AIM2: variants seen among roughly 807,000 people sequenced by gnomAD.
AIM2 encodes the protein interferon-inducible protein AIM2.
A neutral mutation model predicts 27.7 loss-of-function variants in AIM2; 30 were observed. That is an observed-to-expected ratio of 1.08 (90% CI 0.81 to 1.47). The LOEUF is 1.47. Ranked by LOEUF, AIM2 falls within the 40% of genes most tolerant of loss-of-function variation. The probability of loss-of-function intolerance (pLI) is 0.00; values close to 1 mark genes in which losing one functional copy is unlikely to be tolerated. For synonymous variants in AIM2, 141 were observed against 145.3 expected, an observed-to-expected ratio of 0.97 and a Z score of 0.21; for missense variants, 358 against 411.3, an observed-to-expected ratio of 0.87 and a Z score of 1.12.
At chr1:159,141,627 C>T (rs1055140825), upstream of AIM2, among the ~76,000 whole-genome samples, 1 of 152,114 alleles carries the variant, frequency 6.6e-6, no homozygotes, top group African/African-American at 2.4e-5. Flanking sequence ...TGCCGGGACT[C>T]GAACCCGGAA....
At chr1:159,087,325 A>AT (rs1656937967) in intron 1 of AIM2, among the ~76,000 whole-genome samples, 1 of 79,694 alleles carries the variant, frequency 1.3e-5, no homozygotes, top group African/African-American at 2.6e-5. Flanking sequence ...TGAGGTTGTG[A>AT]TAAAAAAAAA....
In AIM2 at chr1:159,062,694, A is replaced by C. The variant is rs74689714; in HGVS notation, c.1030T>G (p.Ter344GluextTer16). The change falls in exon 6 of 6, where the codon TAG becomes GAG. Residue 344 changes from the stop codon to glutamate, a stop_lost. Transcript: ENST00000368130. ...IKVIKAKKKT[*>E] Reference sequence around the variant, plus strand: ...TTGAATTGGTCCTTTTTACTTCTCTATGTTTTTTTTTTGGCCTTAATAACC... The same window carrying C: ...TTGAATTGGTCCTTTTTACTTCTCTCTGTTTTTTTTTTGGCCTTAATAACC... 2.0e-3 allele frequency: 3,177 copies of C among 1,612,214 alleles called. 53 individuals carry two copies. In the African/African-American group the frequency reaches 0.036, roughly 18 times the overall value.
chr1:159,142,033 C>A (rs3026926), upstream of AIM2, among the ~76,000 whole-genome samples: 1,334 of 152,248 alleles, frequency 8.8e-3, 95 homozygotes, highest in East Asian at 0.18. Flanking sequence ...CCCAACCCTG[C>A]AGAAAACGCA....
At chr1:159,087,485 C>A (rs745321658) in intron 1 of AIM2, among the ~76,000 whole-genome samples, 2 of 151,826 alleles carry the variant, frequency 1.3e-5, no homozygotes, top group Non-Finnish European at 2.9e-5. Flanking sequence ...TTATATTAAT[C>A]AATTATTAAT....
At chr1:159,115,743 A>G (rs4528115) in intron 1 of AIM2, among the ~76,000 whole-genome samples, 74,661 of 152,034 alleles carry the variant, frequency 0.49, 21,755 homozygotes, top group Admixed American at 0.65. Context: ...AAGAAAACCT[A>G]GGCAATACCA....
intron 1 of AIM2, among the ~76,000 whole-genome samples, chr1:159,094,334 A>C (rs1268256607): frequency 6.6e-6 from 1 of 152,232 alleles, no homozygotes; most frequent in Non-Finnish European, 1.5e-5. Context: ...ATAGCTATTC[A>C]TTGAGCTGGT....
intron 1 of AIM2, among the ~76,000 whole-genome samples, chr1:159,103,808 A>G (rs1246183161): frequency 6.6e-6 from 1 of 152,020 alleles, no homozygotes; most frequent in Non-Finnish European, 1.5e-5. Context: ...TTCTAGGGGG[A>G]GTTTTCTCCT....
chr1:159,129,140 A>C (rs547849189), intron 1 of AIM2, among the ~76,000 whole-genome samples: 1 of 152,322 alleles, frequency 6.6e-6, no homozygotes, highest in South Asian at 2.1e-4. Flanking sequence ...CTTACAGAGA[A>C]ATGCAGAGAG....
intron 1 of AIM2, among the ~76,000 whole-genome samples, chr1:159,116,507 A>T (rs1476768840): frequency 2.0e-5 from 3 of 152,232 alleles, no homozygotes; most frequent in East Asian, 3.8e-4. Context: ...GCAGCCATAA[A>T]AAATGATGAG....
chr1:159,135,276 A>G (rs895437246), intron 1 of AIM2, among the ~76,000 whole-genome samples: 1 of 152,200 alleles, frequency 6.6e-6, no homozygotes, highest in Admixed American at 6.5e-5. Context: ...CTCTGAGTGG[A>G]TAATCAGGGA....
intron 4 of AIM2, among the ~76,000 whole-genome samples, chr1:159,065,546 C>T (rs1656045928): frequency 6.6e-6 from 1 of 152,194 alleles, no homozygotes; most frequent in Non-Finnish European, 1.5e-5. Context: ...ACTACACTTA[C>T]TTTGCATTCA....
chr1:159,087,105 T>C (rs765155196), intron 1 of AIM2, among the ~76,000 whole-genome samples: 9 of 152,216 alleles, frequency 5.9e-5, no homozygotes, highest in African/African-American at 9.7e-5. Flanking sequence ...TCCTAAATCA[T>C]TGATTGTCTT....
intron 4 of AIM2, 112 bp from the exon 5 acceptor site, chr1:159,063,786 GAAC>G: frequency 8.8e-7 from 1 of 1,131,502 alleles, no homozygotes. Flanking sequence ...GTTGATTCTT[GAAC>G]AACACAGATT....
intron 1 of AIM2, among the ~76,000 whole-genome samples, chr1:159,118,246 A>G (rs991511799): frequency 6.6e-6 from 1 of 152,208 alleles, no homozygotes; most frequent in Non-Finnish European, 1.5e-5. Flanking sequence ...CCAGAATAAA[A>G]CGAAGCACAG....
At chr1:159,139,312 C>T (rs552446241) in intron 1 of AIM2, among the ~76,000 whole-genome samples, 2 of 152,260 alleles carry the variant, frequency 1.3e-5, no homozygotes, top group Non-Finnish European at 2.9e-5. Flanking sequence ...TGGCATCTGC[C>T]CCTGCTGATG....
chr1:159,134,624 G>T (rs1647980379), intron 1 of AIM2, among the ~76,000 whole-genome samples: 1 of 152,184 alleles, frequency 6.6e-6, no homozygotes, highest in Non-Finnish European at 1.5e-5. Flanking sequence ...CTGAGGTCAG[G>T]AGTTCAAGAC....
intron 1 of AIM2, among the ~76,000 whole-genome samples, chr1:159,135,737 G>A (rs1026926650): frequency 2.0e-5 from 3 of 152,212 alleles, no homozygotes; most frequent in African/African-American, 7.2e-5. Flanking sequence ...AGCAAAGGAA[G>A]ACAAGTTATC....
rs1655889824 is a variant in AIM2 at position 159,062,794 on chromosome 1, C to T, written c.1006-76G>A. 10 of 1,325,910 alleles carry T rather than the reference C, an allele frequency of 7.5e-6. No individual in the cohort carries two copies. In the East Asian group the frequency reaches 2.1e-4, roughly 27 times the overall value. 82.1% of individuals were successfully genotyped at this position (1,325,910 alleles called of 1,614,324 possible). A position where few individuals can be genotyped will look rare whatever the true frequency, so the allele number is the denominator to read the frequency against. On this transcript the variant is annotated intron_variant, in intron 5 of 5. Coordinates refer to ENST00000368130, the MANE Select transcript of AIM2 (RefSeq NM_004833.3). Reference sequence around the variant, plus strand: ...CCTCCACTGTTTGCAGTCACTATGGCCTTCTGAAGTGTATGTATCATCTTC... The same window carrying T: ...CCTCCACTGTTTGCAGTCACTATGGTCTTCTGAAGTGTATGTATCATCTTC...
chr1:159,132,811 G>T (rs1450167767), intron 1 of AIM2, among the ~76,000 whole-genome samples: 1 of 152,110 alleles, frequency 6.6e-6, no homozygotes, highest in Non-Finnish European at 1.5e-5. Flanking sequence ...CCTTAACACC[G>T]CCTAGTAAAT....
Sources: gnomAD v4.1 joint callset for allele counts (sites outside exome capture counted in the v4.1 genomes callset) on GRCh38, gnomAD v4.1.1 for gene constraint, MANE v1.5 for transcripts, NCBI Gene and HGNC (gene_info 2026-07-23, HGNC 2026-07-21) for gene names.